SFXN1: variants seen among roughly 807,000 people sequenced by gnomAD.
The protein encoded by SFXN1 is sideroflexin 1.
SFXN1 carries 32 observed loss-of-function variants against 39.5 expected under a neutral mutation model. The ratio of observed to expected loss-of-function variants is 0.81; its 90% CI spans 0.61 to 1.09. SFXN1 has a LOEUF of 1.09. SFXN1 is among the 50% of genes least tolerant of loss of function. SFXN1 has a pLI of 0.00. For missense variants in SFXN1, 402 were observed against 407.1 expected (o/e 0.99, Z 0.11); for synonymous variants, 136 against 146.5 (o/e 0.93, Z 0.52).
intron 7 of SFXN1, among the ~76,000 whole-genome samples, chr5:175,515,303 G>A (rs147408275): frequency 1.8e-3 from 267 of 151,658 alleles, no homozygotes; most frequent in African/African-American, 5.8e-3. Context: ...CACCATGTCC[G>A]GCCCTGGGTT....
chr5:175,479,794 T>C (rs962870463), intron 1 of SFXN1, among the ~76,000 whole-genome samples: 1 of 152,262 alleles, frequency 6.6e-6, no homozygotes, highest in East Asian at 1.9e-4. Context: ...CATAGCTTTT[T>C]CCCTGCACAT....
At chr5:175,498,035 G>A (rs1053196404) in intron 2 of SFXN1, among the ~76,000 whole-genome samples, 2 of 146,578 alleles carry the variant, frequency 1.4e-5, no homozygotes, top group Non-Finnish European at 3.0e-5. Flanking sequence ...TTTTTATGCT[G>A]TTTTAATTCT....
intron 1 of SFXN1, among the ~76,000 whole-genome samples, chr5:175,486,311 A>G (rs1759447725): frequency 6.6e-6 from 1 of 152,226 alleles, no homozygotes; most frequent in South Asian, 2.1e-4. Context: ...TCCTGCTTTG[A>G]GTTCTCCCGG....
At chr5:175,519,331 A>T (rs1042283613) in intron 8 of SFXN1, among the ~76,000 whole-genome samples, 1 of 152,250 alleles carries the variant, frequency 6.6e-6, no homozygotes, top group Admixed American at 6.5e-5. Context: ...CCTATGATCC[A>T]GCCATTTCCT....
Position 175,513,522 on chromosome 5 carries a change from C to T in SFXN1, c.656C>T (p.Ala219Val), listed in dbSNP as rs149270574. Residue 219 changes from alanine (A) to valine (V), a missense_variant, in exon 7 of 11, where the codon GCG (alanine) becomes GTG (valine). By Grantham distance (64) the Ala-to-Val change is moderately conservative (BLOSUM62 0). Coordinates refer to ENST00000321442, the MANE Select transcript of SFXN1 (RefSeq NM_022754.7). ...DENGNRLGES[A>V]NAAKQAITQV... ...AATGGGAACCGCTTGGGGGAGTCGG[C>T]GAACGCTGCGAAACAAGCCATCACG... The T allele has an allele frequency of 3.7e-5, 59 of 1,613,834 alleles. No individual in the cohort carries two copies. The African/African-American group carries it at 4.1e-4, about 11-fold the overall frequency.
At position 175,528,998 on chromosome 5, in the gene SFXN1, A is replaced by G. The variant is rs1381311781; in HGVS notation, c.*2264A>G. The stretch of plus-strand genomic sequence containing the variant: ...GCTAATGACTGGTTAGAAGATTGAC[A>G]AACTAACCAAAATTTTACACACTCC... On this transcript the variant is annotated 3_prime_UTR_variant, in exon 11 of 11. Transcript: ENST00000321442. The G allele has an allele frequency of 1.3e-5, 2 of 152,200 alleles. No homozygotes were observed. Among genetic ancestry groups the G allele is most frequent in the African/African-American group, 2.4e-5 (1 of 41,432 alleles). 9.4% of individuals were successfully genotyped at this position (152,200 alleles called of 1,614,324 possible). A position where few individuals can be genotyped will look rare whatever the true frequency, so the allele number is the denominator to read the frequency against.
At chr5:175,511,632 C>A in intron 5 of SFXN1, 106 bp downstream of exon 5, 1 of 883,472 alleles carries the variant, frequency 1.1e-6, no homozygotes, top group Non-Finnish European at 1.8e-6. Flanking sequence ...ATATGGCTTT[C>A]TTGTTATAGT....
In SFXN1 at chr5:175,529,246, G is replaced by C. The variant is rs1367956680; in HGVS notation, c.*2512G>C. On this transcript the variant is annotated 3_prime_UTR_variant, in exon 11 of 11. Coordinates refer to ENST00000321442, the MANE Select transcript of SFXN1 (RefSeq NM_022754.7). The stretch of plus-strand genomic sequence containing the variant: ...CCAGCTACTCGGGAGGCTGAGGTAG[G>C]AGAATCGCTTGAATCCGGGAGCTGG... 6.6e-6 allele frequency: 1 copy of C among 152,054 alleles called. No homozygotes were observed. Among genetic ancestry groups the C allele is most frequent in the Non-Finnish European group, 1.5e-5 (1 of 68,098 alleles). 9.4% of individuals were successfully genotyped at this position (152,054 alleles called of 1,614,324 possible).
chr5:175,509,114 A>T lies in SFXN1; in HGVS notation c.247A>T (p.Thr83Ser). The change falls in exon 3 of 11, where the codon ACT becomes TCT. Residue 83 changes from threonine (T) to serine (S), a missense_variant. Thr to Ser is a moderately conservative substitution (Grantham distance 58). Coordinates refer to ENST00000321442, the MANE Select transcript of SFXN1 (RefSeq NM_022754.7). ...YIYDSAFHPD[T>S]GEKMILIGRM... ...CTATGATTCAGCTTTTCATCCTGAC[A>T]CTGGTGAGAAGATGATTTTGATAGG... 1.2e-6 allele frequency: 2 copies of T among 1,614,028 alleles called. No individual in the cohort carries two copies. Among genetic ancestry groups the T allele is most frequent in the Non-Finnish European group, 8.5e-7 (1 of 1,179,958 alleles).
chr5:175,496,103 G>A (rs1162842641), intron 2 of SFXN1, among the ~76,000 whole-genome samples: 5 of 151,846 alleles, frequency 3.3e-5, no homozygotes, highest in South Asian at 4.2e-4. Context: ...TCTCCATGTT[G>A]GTCAGACTGG....
At chr5:175,479,915 T>C (rs977138283) in intron 1 of SFXN1, among the ~76,000 whole-genome samples, 1 of 152,188 alleles carries the variant, frequency 6.6e-6, no homozygotes, top group Admixed American at 6.5e-5. Context: ...TTCAGTGTTC[T>C]AGGCATTGTT....
chr5:175,504,278 T>C (rs1296688281), intron 2 of SFXN1, among the ~76,000 whole-genome samples: 1 of 151,796 alleles, frequency 6.6e-6, no homozygotes, highest in Non-Finnish European at 1.5e-5. Flanking sequence ...GTATGTAATA[T>C]GTATGAGAAT....
intron 10 of SFXN1, among the ~76,000 whole-genome samples, chr5:175,525,565 CTT>C (rs1219099260): frequency 6.6e-6 from 1 of 152,124 alleles, no homozygotes; most frequent in Non-Finnish European, 1.5e-5. Context: ...TATATCCTGA[CTT>C]TTTTTAACCT....
chr5:175,527,078 T>C lies in SFXN1; in HGVS notation c.*344T>C, dbSNP rs1761090336. On this transcript the variant is annotated 3_prime_UTR_variant, in exon 11 of 11. Coordinates refer to ENST00000321442, the MANE Select transcript of SFXN1 (RefSeq NM_022754.7). ...CAGTATATGGTCAGTAAATGTTCTA[T>C]TGATTATCAATCAGTGAAAAAAGAA... is the stretch of plus-strand genomic sequence containing the variant. 6 of 206,378 alleles carry C rather than the reference T, an allele frequency of 2.9e-5. No individual in the cohort carries two copies. In the South Asian group the frequency reaches 9.4e-4, roughly 32 times the overall value. The allele number at this position is 206,378 out of a possible 1,614,324, so 12.8% of individuals were successfully genotyped here.
At chr5:175,488,826 G>C (rs540539239) in intron 1 of SFXN1, among the ~76,000 whole-genome samples, 2 of 151,786 alleles carry the variant, frequency 1.3e-5, no homozygotes, top group African/African-American at 4.9e-5. Context: ...AGCCCAGGAC[G>C]TCAAGGCCCT....
chr5:175,494,011 A>G (rs1429376985), intron 2 of SFXN1, among the ~76,000 whole-genome samples: 1 of 152,240 alleles, frequency 6.6e-6, no homozygotes, highest in Admixed American at 6.5e-5. Context: ...AAAGAAGGGT[A>G]CGAAAAAGAC....
chr5:175,517,750 C>A (rs749427271), intron 8 of SFXN1, among the ~76,000 whole-genome samples: 30 of 152,264 alleles, frequency 2.0e-4, no homozygotes, highest in Admixed American at 1.4e-3. Flanking sequence ...AAAACACTTT[C>A]ACATTCTATT....
intron 1 of SFXN1, among the ~76,000 whole-genome samples, chr5:175,487,469 G>A (rs1161560554): frequency 6.6e-6 from 1 of 152,076 alleles, no homozygotes; most frequent in Non-Finnish European, 1.5e-5. Context: ...CTTCCTTTTG[G>A]CCAGTCGGGC....
In SFXN1 at chr5:175,526,668, G is replaced by A. The variant is rs1282510804; in HGVS notation, c.903G>A (p.Glu301=). 2 of 1,614,226 alleles carry A rather than the reference G, an allele frequency of 1.2e-6. No individual in the cohort carries two copies. The highest frequency in any genetic ancestry group is 1.7e-6 in the Non-Finnish European group (2 of 1,180,044). Residue 301 remains glutamate, a synonymous_variant, in exon 11 of 11, where the codon GAG becomes GAA. Transcript: ENST00000321442. The part of the protein sequence containing the change: ...SSMSVTSLEA[E]LQAKIQESHP... ...TGTCTGTGACAAGCTTGGAGGCCGA[G>A]TTGCAAGCTAAGATCCAAGAGAGCC...
Sources: allele counts gnomAD v4.1 joint callset (sites outside exome capture counted in the v4.1 genomes callset), GRCh38; gene constraint gnomAD v4.1.1; transcripts MANE v1.5; gene names NCBI Gene and HGNC (gene_info 2026-07-23, HGNC 2026-07-21).